The following RIMBP2 variants were observed in gnomAD, a reference collection of about 807,000 sequenced individuals.
The protein encoded by RIMBP2 is RIMS binding protein 2.
In RIMBP2, 48 loss-of-function variants were observed where a neutral mutation model predicts 118.6. The observed-to-expected ratio is 0.40, with a 90% CI of 0.32 to 0.51. The LOEUF (loss-of-function observed/expected upper bound fraction) is 0.51, where lower values mean the gene tolerates loss of function less well. Ranked by LOEUF, RIMBP2 falls within the 20% of genes least tolerant of loss-of-function variation. The pLI, the probability that RIMBP2 is intolerant of heterozygous loss-of-function variation, is 0.41. For missense variants in RIMBP2, 1,551 were observed against 1,768.3 expected (o/e 0.88, Z 2.20); for synonymous variants, 762 against 742.9 (o/e 1.03, Z -0.42).
At chr12:130,585,845 C>T (rs1276952603) in intron 2 of RIMBP2, among the ~76,000 whole-genome samples, 1 of 152,162 alleles carries the variant, frequency 6.6e-6, no homozygotes, top group Non-Finnish European at 1.5e-5. Flanking sequence ...TGCCTGATTC[C>T]CACATTTCAC....
chr12:130,541,256 G>A (rs1384063811), intron 2 of RIMBP2, among the ~76,000 whole-genome samples: 1 of 152,174 alleles, frequency 6.6e-6, no homozygotes, highest in East Asian at 1.9e-4. Flanking sequence ...TCTGAGATTA[G>A]AGATCTTTCT....
chr12:130,686,285 A>G (rs1360095701), intron 1 of RIMBP2, among the ~76,000 whole-genome samples: 2 of 152,142 alleles, frequency 1.3e-5, no homozygotes, highest in Admixed American at 6.5e-5. Flanking sequence ...TCAGGAGGAC[A>G]ATGGGTTAAG....
chr12:130,535,671 A>C (rs1487006218), intron 2 of RIMBP2, among the ~76,000 whole-genome samples: 3 of 115,984 alleles, frequency 2.6e-5, no homozygotes, highest in African/African-American at 7.0e-5. Context: ...ATATACATAT[A>C]TACACATATA....
At chr12:130,573,503 T>G (rs147414735) in intron 2 of RIMBP2, among the ~76,000 whole-genome samples, 1 of 152,070 alleles carries the variant, frequency 6.6e-6, no homozygotes, top group African/African-American at 2.4e-5. Flanking sequence ...ACTGGAGATA[T>G]AGACGTGATC....
intron 2 of RIMBP2, among the ~76,000 whole-genome samples, chr12:130,569,518 G>T (rs1007227523): frequency 6.6e-6 from 1 of 152,198 alleles, no homozygotes; most frequent in African/African-American, 2.4e-5. Context: ...CTATGGTTTG[G>T]ATCTGCGTCC....
At position 130,434,983 on chromosome 12, in the gene RIMBP2, G is replaced by T; in HGVS notation, c.2107-103C>A. ...CCTTCAGCCCCTCAGAGCCTGGCCA[G>T]GCACCCCCCACACAGTGCTTTGGGC... On this transcript the variant is annotated intron_variant, in intron 13 of 22. Transcript: ENST00000690449. The surrounding 1 kb of genome is among the most constrained non-coding windows in gnomAD (Gnocchi z 5.7). The T allele has an allele frequency of 7.9e-7, 1 of 1,270,284 alleles. No individual in the cohort carries two copies. Among genetic ancestry groups the T allele is most frequent in the Non-Finnish European group, 1.1e-6 (1 of 925,472 alleles). The allele number at this position is 1,270,284 out of a possible 1,614,324, so 78.7% of individuals were successfully genotyped here.
chr12:130,715,231 T>C (rs1950245360), intron 1 of RIMBP2, among the ~76,000 whole-genome samples: 1 of 152,178 alleles, frequency 6.6e-6, no homozygotes, highest in South Asian at 2.1e-4. Flanking sequence ...CAGGGTCCCC[T>C]TCCCTCCCTC....
intron 1 of RIMBP2, among the ~76,000 whole-genome samples, chr12:130,681,357 C>T (rs1357973522): frequency 6.6e-6 from 1 of 152,036 alleles, no homozygotes; most frequent in Non-Finnish European, 1.5e-5. Context: ...AAGATGTAAA[C>T]CATTTTAAGT....
chr12:130,583,777 A>C (rs2058640742), intron 2 of RIMBP2, among the ~76,000 whole-genome samples: 1 of 71,198 alleles, frequency 1.4e-5, no homozygotes. Flanking sequence ...CATCACCACC[A>C]CCGCCATCAC....
rs1370311081 is a variant in RIMBP2 at position 130,442,591 on chromosome 12, G to A, written c.761C>T (p.Ser254Leu). 65 of 1,614,070 alleles carry A rather than the reference G, an allele frequency of 4.0e-5. No individual in the cohort carries two copies. Among genetic ancestry groups the A allele is most frequent in the Non-Finnish European group, 4.9e-5 (58 of 1,180,054 alleles). Residue 254 changes from serine to leucine, a missense_variant, in exon 11 of 23, where the codon TCG (serine) becomes TTG (leucine). Transcript: ENST00000690449. This position sits in a 1 kb window ranked among gnomAD's most constrained non-coding sequence, Gnocchi z 6.9. ...GTTCCCCAGCGTGCTTGCCAACCGC[G>A]ACTCGTTGTCCTGCACAAAGTCCAC... ...NFVDFVQDNESRLASTLGNEQ... is the reference protein window; with the variant it reads ...NFVDFVQDNELRLASTLGNEQ...
rs141122771 is a variant in RIMBP2, at chr12:130,523,938, C to T, written c.-216-6021G>A. ...AATACATAACAAAGGCATGTAAGGGCACAGCAAGGTCTCTGGCTCTCAGGA... is the reference window on the plus strand; with the variant it reads ...AATACATAACAAAGGCATGTAAGGGTACAGCAAGGTCTCTGGCTCTCAGGA... On this transcript the variant is annotated intron_variant, in intron 2 of 22. Coordinates refer to ENST00000690449, the MANE Select transcript of RIMBP2 (RefSeq NM_001393629.1). This position sits in a 1 kb window ranked among gnomAD's most constrained non-coding sequence, Gnocchi z 4.4. Among the ~76,000 whole-genome samples, 38 of 152,286 alleles carry T rather than the reference C, an allele frequency of 2.5e-4. No homozygotes were observed. The highest frequency in any genetic ancestry group is 5.8e-4 in the East Asian group (3 of 5,168).
Position 130,620,161 on chromosome 12 carries a change from G to C in RIMBP2, c.-217+8161C>G, listed in dbSNP as rs902878986. ...GAAGTGGTCTGCTGAGGGCAGTCATGGTGCCTCACCCTCTCCAGCCAAGGG... is the reference window on the plus strand; with the variant it reads ...GAAGTGGTCTGCTGAGGGCAGTCATCGTGCCTCACCCTCTCCAGCCAAGGG... On this transcript the variant is annotated intron_variant, in intron 2 of 22. Transcript: ENST00000690449. The surrounding 1 kb of genome is among the most constrained non-coding windows in gnomAD (Gnocchi z 5.3). Among the ~76,000 whole-genome samples the C allele has an allele frequency of 6.6e-6, 1 of 152,136 alleles. No homozygotes were observed. Among genetic ancestry groups the C allele is most frequent in the East Asian group, 1.9e-4 (1 of 5,174 alleles).
At position 130,424,717 on chromosome 12, in the gene RIMBP2, C is replaced by G; in HGVS notation, c.2554G>C (p.Gly852Arg). ...GECCGLLHKQ[G>R]AGPSPRARTG... is the part of the protein sequence containing the mutation. ...CTGGCCCTGGGGGACGGCCCTGCAC[C>G]CTGCTTGTGTAGCAGCCCACAGCAC... Residue 852 changes from glycine (G) to arginine (R), a missense_variant, in exon 16 of 23, where the codon GGT becomes CGT. Around this residue, in one of 5 missense-constraint regions of RIMBP2, gnomAD observed 1,038 missense variants for 1,125.1 expected, o/e 0.92. Coordinates refer to ENST00000690449, the MANE Select transcript of RIMBP2 (RefSeq NM_001393629.1). This position sits in a 1 kb window ranked among gnomAD's most constrained non-coding sequence, Gnocchi z 9.8. 1 of 1,232,268 alleles carries G rather than the reference C, an allele frequency of 8.1e-7. No homozygotes were observed. Among genetic ancestry groups the G allele is most frequent in the Middle Eastern group, 3.1e-4 (1 of 3,210 alleles). 76.3% of individuals were successfully genotyped at this position (1,232,268 alleles called of 1,614,324 possible).
intron 17 of RIMBP2, among the ~76,000 whole-genome samples, chr12:130,418,315 A>G (rs1178982319): frequency 6.6e-6 from 1 of 152,174 alleles, no homozygotes; most frequent in Non-Finnish European, 1.5e-5. Context: ...TTTTGTTGAT[A>G]GTCCATGAAA....
chr12:130,587,829 TAAAAAAA>T (rs374788301), intron 2 of RIMBP2, among the ~76,000 whole-genome samples: 1 of 121,382 alleles, frequency 8.2e-6, no homozygotes, highest in Non-Finnish European at 1.8e-5. Flanking sequence ...TAAAGTATAA[TAAAAAAA>T]AAAAAAGAAA....
chr12:130,435,111 T>C (rs1198365393), intron 13 of RIMBP2, among the ~76,000 whole-genome samples: 1 of 151,682 alleles, frequency 6.6e-6, no homozygotes, highest in Non-Finnish European at 1.5e-5. Context: ...AGTGGCATGA[T>C]CATAGCTCAC....
At chr12:130,669,252 T>C (rs1286401612) in intron 1 of RIMBP2, 1 of 152,210 alleles carries the variant, frequency 6.6e-6, no homozygotes, top group Non-Finnish European at 1.5e-5. Context: ...CGGCACAGCA[T>C]GCAAATAGCA....
chr12:130,652,042 T>C (rs905626582), intron 1 of RIMBP2, among the ~76,000 whole-genome samples: 4 of 152,250 alleles, frequency 2.6e-5, no homozygotes, highest in Admixed American at 2.6e-4. Context: ...CAGCTTTATC[T>C]TGTTAGTCTT....
rs1220586624 is a variant in RIMBP2, at chr12:130,397,161, A to G, written c.*200T>C. 2 of 346,664 alleles carry G rather than the reference A, an allele frequency of 5.8e-6. No homozygotes were observed. Among genetic ancestry groups the G allele is most frequent in the Admixed American group, 9.5e-5 (2 of 20,978 alleles). 21.5% of individuals were successfully genotyped at this position (346,664 alleles called of 1,614,324 possible). On this transcript the variant is annotated 3_prime_UTR_variant, in exon 23 of 23. Coordinates refer to ENST00000690449, the MANE Select transcript of RIMBP2 (RefSeq NM_001393629.1). ...ATCAGAGCTTGGACAATGAGAGCAG[A>G]CTGCCAGCGGTGACAGAGAGCAACC...
Sources: gnomAD v4.1 joint callset for allele counts (sites outside exome capture counted in the v4.1 genomes callset) on GRCh38, gnomAD v4.1.1 for gene constraint, gnomAD v4.1.1 regional missense constraint, Gnocchi (gnomAD v3.1) non-coding constraint, MANE v1.5 for transcripts, NCBI Gene and HGNC (gene_info 2026-07-23, HGNC 2026-07-21) for gene names.